The following IGDCC3 variants were observed in gnomAD, a reference collection of about 807,000 sequenced individuals.
The protein encoded by IGDCC3 is immunoglobulin superfamily DCC subclass member 3.
In IGDCC3, 47 loss-of-function variants were observed where a neutral mutation model predicts 72.0. That is an observed-to-expected ratio of 0.65 (90% CI 0.52 to 0.83). The LOEUF is 0.83. Among genes scored for constraint, IGDCC3 ranks in the 40% least tolerant of loss-of-function variants. The probability of loss-of-function intolerance (pLI) is 0.00; values close to 1 mark genes in which losing one functional copy is unlikely to be tolerated. For synonymous variants in IGDCC3, 477 were observed against 472.8 expected (o/e 1.01, Z -0.11); for missense variants, 1,038 against 1,091.3 (o/e 0.95, Z 0.69).
chr15:65,328,258 C>CT lies in IGDCC3; in HGVS notation c.*650dup, dbSNP rs1310286858. The CT allele has an allele frequency of 6.7e-3, 789 of 118,554 alleles. 5 individuals carry two copies. Among genetic ancestry groups the CT allele is most frequent in the African/African-American group, 0.022 (711 of 32,000 alleles). The allele number at this position is 118,554 out of a possible 1,614,324, so 7.3% of individuals were successfully genotyped here. A position where few individuals can be genotyped will look rare whatever the true frequency, so the allele number is the denominator to read the frequency against. On this transcript the variant is annotated 3_prime_UTR_variant, in exon 14 of 14. Transcript: ENST00000327987. ...TTTCACATCTGGAAATGGGGAAGTG[C>CT]TTTTTTTTTTCTTTCACACCTGGAA...
intron 2 of IGDCC3, chr15:65,373,621 G>A (rs2091340894): frequency 6.5e-6 from 1 of 152,836 alleles, no homozygotes; most frequent in African/African-American, 2.4e-5. Context: ...TGCCACGGGA[G>A]CTAAGTGGGA....
At chr15:65,370,648 A>ATATATATATATATATATATAT (rs1595766478) in intron 2 of IGDCC3, among the ~76,000 whole-genome samples, 1 of 143,594 alleles carries the variant, frequency 7.0e-6, no homozygotes, top group Non-Finnish European at 1.5e-5. Context: ...ATATATATAT[A>ATATATATATATATATATATAT]AAATTAGTAC....
At chr15:65,353,087 G>C (rs773409502) in intron 2 of IGDCC3, among the ~76,000 whole-genome samples, 1 of 152,116 alleles carries the variant, frequency 6.6e-6, no homozygotes, top group Non-Finnish European at 1.5e-5. Context: ...CCAGTTAATG[G>C]AAACCCTTCT....
At chr15:65,336,676 C>T (rs796781739) in intron 2 of IGDCC3, among the ~76,000 whole-genome samples, 3 of 152,238 alleles carry the variant, frequency 2.0e-5, no homozygotes, top group African/African-American at 7.2e-5. Flanking sequence ...TCAGGGACCC[C>T]TCCCCACCTT....
chr15:65,346,183 A>G (rs1298046048), intron 2 of IGDCC3, among the ~76,000 whole-genome samples: 1 of 152,180 alleles, frequency 6.6e-6, no homozygotes, highest in Non-Finnish European at 1.5e-5. Flanking sequence ...CACCCCCACT[A>G]ATGGGCACTG....
intron 2 of IGDCC3, among the ~76,000 whole-genome samples, chr15:65,353,542 G>A (rs1474576683): frequency 6.6e-6 from 1 of 152,022 alleles, no homozygotes; most frequent in Non-Finnish European, 1.5e-5. Flanking sequence ...GAGCCACCGT[G>A]CCCGGCCTCA....
intron 2 of IGDCC3, 71 bp from the exon 3 acceptor site, chr15:65,336,027 G>T: frequency 6.6e-7 from 1 of 1,508,580 alleles, no homozygotes; most frequent in Middle Eastern, 2.0e-4. Context: ...GGGCTGCAGT[G>T]GCGTCACAGG....
intron 2 of IGDCC3, among the ~76,000 whole-genome samples, chr15:65,350,829 T>G (rs1420294708): frequency 6.6e-6 from 1 of 152,184 alleles, no homozygotes; most frequent in Non-Finnish European, 1.5e-5. Flanking sequence ...TAGAGCATAA[T>G]CAAAATCTCG....
intron 6 of IGDCC3, 34 bp from the exon 7 acceptor site, chr15:65,332,140 C>A: frequency 6.3e-7 from 1 of 1,599,214 alleles, no homozygotes; most frequent in East Asian, 2.2e-5. Flanking sequence ...GGGGCGCAGA[C>A]AGACACAGCT....
intron 2 of IGDCC3, among the ~76,000 whole-genome samples, chr15:65,371,778 CT>C (rs1423259210): frequency 6.6e-6 from 1 of 152,182 alleles, no homozygotes; most frequent in African/African-American, 2.4e-5. Flanking sequence ...CTAGTCCATC[CT>C]TTTTGGAGTC....
intron 2 of IGDCC3, among the ~76,000 whole-genome samples, chr15:65,355,330 CCCCCGCTCTTCTCCCTCCTT>C (rs1215690687): frequency 6.6e-5 from 10 of 152,308 alleles, no homozygotes; most frequent in Admixed American, 5.9e-4. Flanking sequence ...ACTCCCATCC[CCCCCGCTCTTCTCCCTCCTT>C]CCCCGCTCTG....
intron 2 of IGDCC3, among the ~76,000 whole-genome samples, chr15:65,354,913 G>A (rs1331268555): frequency 2.0e-5 from 3 of 152,172 alleles, no homozygotes; most frequent in East Asian, 3.8e-4. Flanking sequence ...GCAGATTTCC[G>A]GACCCTGCTG....
intron 2 of IGDCC3, among the ~76,000 whole-genome samples, chr15:65,372,626 CTG>C (rs1249469556): frequency 1.3e-5 from 2 of 152,144 alleles, no homozygotes; most frequent in African/African-American, 4.8e-5. Context: ...GCTGGGTGAA[CTG>C]TGAGTCTGCG....
intron 2 of IGDCC3, among the ~76,000 whole-genome samples, chr15:65,340,171 A>C (rs1199541364): frequency 1.3e-5 from 2 of 152,020 alleles, no homozygotes; most frequent in Admixed American, 1.3e-4. Context: ...ACCCAAGGGG[A>C]GGGGCCTCCT....
intron 2 of IGDCC3, among the ~76,000 whole-genome samples, chr15:65,363,010 C>T (rs1362172142): frequency 1.3e-5 from 2 of 151,810 alleles, no homozygotes; most frequent in Non-Finnish European, 2.9e-5. Flanking sequence ...GCTTGCCAAG[C>T]CACCACACCC....
At position 65,333,151 on chromosome 15, in the gene IGDCC3, G is replaced by A. The variant is rs954015580; in HGVS notation, c.982+106C>T. The A allele has an allele frequency of 6.9e-6, 8 of 1,160,092 alleles. No individual in the cohort carries two copies. In the South Asian group the frequency reaches 1.2e-4, roughly 17 times the overall value. The allele number at this position is 1,160,092 out of a possible 1,614,324, so 71.9% of individuals were successfully genotyped here. ...CGGTGAGGGGCGAGGGGCAGGGCGA[G>A]TCCAGGAGACTGGGGTGGGACAGGG... On this transcript the variant is annotated intron_variant, in intron 6 of 13. Transcript: ENST00000327987.
At position 65,329,800 on chromosome 15, in the gene IGDCC3, G is replaced by A. The variant is rs760931547; in HGVS notation, c.1923C>T (p.Ile641=). ...EAANQTSTTG[I]VIGIHIGVTC... ...TGACCCCGATGTGGATGCCGATGAC[G>A]ATGCCTGTGGTGGACGTCTGGTTGG... The change falls in exon 12 of 14, where the codon ATC becomes ATT. Residue 641 remains isoleucine (I), a synonymous_variant. Transcript: ENST00000327987. The surrounding 1 kb of genome is among the most constrained non-coding windows in gnomAD (Gnocchi z 4.1). The A allele has an allele frequency of 9.3e-6, 15 of 1,614,002 alleles. No homozygotes were observed. Among genetic ancestry groups the A allele is most frequent in the African/African-American group, 1.3e-5 (1 of 74,918 alleles).
At chr15:65,351,446 A>G (rs1321154514) in intron 2 of IGDCC3, among the ~76,000 whole-genome samples, 1 of 151,532 alleles carries the variant, frequency 6.6e-6, no homozygotes, top group African/African-American at 2.4e-5. Flanking sequence ...AGGCAGGAGA[A>G]TGGTGTGAAC....
intron 2 of IGDCC3, among the ~76,000 whole-genome samples, chr15:65,367,401 T>C (rs2091294507): frequency 1.4e-5 from 2 of 146,996 alleles, no homozygotes; most frequent in South Asian, 4.3e-4. Flanking sequence ...GGGGGAGGGA[T>C]AGCTTTAGGA....
Sources: gnomAD v4.1 joint callset for allele counts (sites outside exome capture counted in the v4.1 genomes callset) on GRCh38, gnomAD v4.1.1 for gene constraint, Gnocchi (gnomAD v3.1) non-coding constraint, MANE v1.5 for transcripts, NCBI Gene and HGNC (gene_info 2026-07-23, HGNC 2026-07-21) for gene names.